Variants in MTUS2 observed in about 807,000 individuals in gnomAD.
MTUS2 encodes microtubule associated scaffold protein 2.
In MTUS2, 40 loss-of-function variants were observed where a neutral mutation model predicts 114.1. That is an observed-to-expected ratio of 0.35 (90% CI 0.27 to 0.46). The LOEUF (loss-of-function observed/expected upper bound fraction) is 0.46, where lower values mean the gene tolerates loss of function less well. Ranked by LOEUF, MTUS2 falls within the 20% of genes least tolerant of loss-of-function variation. The pLI is 1.00. For synonymous variants in MTUS2, 688 were observed against 672.0 expected (o/e 1.02, Z -0.37); for missense variants, 1,679 against 1,705.4 (o/e 0.98, Z 0.27).
At chr13:28,845,354 A>G (rs1450801879) in intron 2 of MTUS2, among the ~76,000 whole-genome samples, 1 of 152,240 alleles carries the variant, frequency 6.6e-6, no homozygotes, top group Non-Finnish European at 1.5e-5. Flanking sequence ...TTTTCCTGAC[A>G]CTTTGACCAA....
intron 6 of MTUS2, among the ~76,000 whole-genome samples, chr13:29,305,101 G>A (rs1414355246): frequency 2.0e-5 from 3 of 152,192 alleles, no homozygotes; most frequent in East Asian, 1.9e-4. Flanking sequence ...GAACAAAGAG[G>A]CAATGTACCA....
intron 11 of MTUS2, 135 bp from the exon 12 acceptor site, chr13:29,492,511 T>G: frequency 3.2e-6 from 2 of 618,726 alleles, no homozygotes; most frequent in Non-Finnish European, 5.7e-6. Flanking sequence ...AGTGGAGGAG[T>G]CCCCTTAGGC....
chr13:28,937,176 T>A (rs1881946662), intron 2 of MTUS2, among the ~76,000 whole-genome samples: 1 of 152,106 alleles, frequency 6.6e-6, no homozygotes, highest in Admixed American at 6.5e-5. Flanking sequence ...ACAAGAGAAT[T>A]GTAAAATGCA....
rs542886959 is a variant in MTUS2, at chr13:29,227,132, G to T, written c.2645-54572G>T. Among the ~76,000 whole-genome samples the T allele has an allele frequency of 3.3e-4, 50 of 152,010 alleles. 1 individual carries two copies. In the South Asian group the frequency reaches 0.01, roughly 32 times the overall value. ...AAATTAGCTGGGTGTGGTAGTGTGT[G>T]CCTGTAATACGAGCTACTCGGGAGG... On this transcript the variant is annotated intron_variant, in intron 5 of 15. Coordinates refer to ENST00000612955, the MANE Select transcript of MTUS2 (RefSeq NM_001033602.4).
intron 2 of MTUS2, among the ~76,000 whole-genome samples, chr13:28,964,335 ACTGTTCCTTCTAC>A (rs1566256228): frequency 6.6e-6 from 1 of 152,168 alleles, no homozygotes; most frequent in African/African-American, 2.4e-5. Flanking sequence ...AGTCCAAGCC[ACTGTTCCTTCTAC>A]CTGTTCCTCT....
At chr13:28,850,938 T>G (rs1422943795) in intron 2 of MTUS2, among the ~76,000 whole-genome samples, 1 of 152,236 alleles carries the variant, frequency 6.6e-6, no homozygotes, top group East Asian at 1.9e-4. Context: ...TATTTTTAGA[T>G]GAAAATTTCC....
intron 9 of MTUS2, among the ~76,000 whole-genome samples, chr13:29,448,560 G>A (rs1878449669): frequency 6.6e-6 from 1 of 151,222 alleles, no homozygotes; most frequent in South Asian, 2.1e-4. Flanking sequence ...AGTACTGCTG[G>A]ACAAAGCTGC....
intron 6 of MTUS2, among the ~76,000 whole-genome samples, chr13:29,322,036 T>A (rs1279935889): frequency 6.6e-6 from 1 of 152,200 alleles, no homozygotes; most frequent in Non-Finnish European, 1.5e-5. Flanking sequence ...TGTTATAATT[T>A]ATGTTTTTGC....
intron 8 of MTUS2, among the ~76,000 whole-genome samples, chr13:29,360,583 A>G (rs762291894): frequency 6.6e-6 from 1 of 151,802 alleles, no homozygotes; most frequent in Non-Finnish European, 1.5e-5. Flanking sequence ...CCCAACCAGA[A>G]TTTTAACCCC....
intron 2 of MTUS2, among the ~76,000 whole-genome samples, chr13:29,006,713 A>G (rs960890494): frequency 2.0e-5 from 3 of 152,174 alleles, no homozygotes; most frequent in South Asian, 2.1e-4. Flanking sequence ...TCTTTATGAC[A>G]GGAGGGCTGT....
At chr13:29,283,094 G>C (rs1187030662) in intron 6 of MTUS2, among the ~76,000 whole-genome samples, 1 of 152,178 alleles carries the variant, frequency 6.6e-6, no homozygotes, top group African/African-American at 2.4e-5. Flanking sequence ...GCCTTTCAGA[G>C]AGGCTCCACC....
chr13:29,451,670 C>G (rs911988615), intron 9 of MTUS2, among the ~76,000 whole-genome samples: 2 of 151,928 alleles, frequency 1.3e-5, no homozygotes, highest in South Asian at 4.2e-4. Context: ...CTGCAACCTC[C>G]GCCTCCTGGA....
intron 2 of MTUS2, among the ~76,000 whole-genome samples, chr13:28,876,100 T>G: frequency 6.6e-6 from 1 of 152,232 alleles, no homozygotes; most frequent in East Asian, 1.9e-4. Context: ...TCTGCCTTTC[T>G]TCTTTTCCTC....
intron 2 of MTUS2, among the ~76,000 whole-genome samples, chr13:28,869,300 A>C (rs1397802641): frequency 6.6e-6 from 1 of 152,214 alleles, no homozygotes; most frequent in East Asian, 1.9e-4. Context: ...TCATTGTTCA[A>C]ATGACTTCAC....
chr13:28,888,512 C>T (rs75137650), intron 2 of MTUS2, among the ~76,000 whole-genome samples: 28 of 150,534 alleles, frequency 1.9e-4, no homozygotes, highest in African/African-American at 6.1e-4. Flanking sequence ...AACTTTGCCT[C>T]CTGGGTTCAA....
chr13:28,837,477 CTGTT>C (rs1382168624), intron 1 of MTUS2, among the ~76,000 whole-genome samples: 1 of 152,126 alleles, frequency 6.6e-6, no homozygotes, highest in Non-Finnish European at 1.5e-5. Context: ...TAGGGCTACT[CTGTT>C]TGAGGTTGAC....
intron 2 of MTUS2, among the ~76,000 whole-genome samples, chr13:28,934,959 G>T (rs919539518): frequency 3.6e-5 from 5 of 140,832 alleles, no homozygotes; most frequent in African/African-American, 1.4e-4. Flanking sequence ...TGGTACCCCT[G>T]CCAGCCCTTT....
Position 29,504,044 on chromosome 13 carries a change from A to G in MTUS2, c.*838A>G, listed in dbSNP as rs1489076773. ...AACACAAGTTTTGCTTTTTTCCTAA[A>G]TGGCATCTCAGACTCGGTCATTAAG... On this transcript the variant is annotated 3_prime_UTR_variant, in exon 16 of 16. Coordinates refer to ENST00000612955, the MANE Select transcript of MTUS2 (RefSeq NM_001033602.4). The G allele has an allele frequency of 4.3e-6, 1 of 231,912 alleles. No homozygotes were observed. Among genetic ancestry groups the G allele is most frequent in the African/African-American group, 2.2e-5 (1 of 45,372 alleles). The allele number at this position is 231,912 out of a possible 1,614,324, so 14.4% of individuals were successfully genotyped here.
intron 2 of MTUS2, among the ~76,000 whole-genome samples, chr13:28,860,194 A>G (rs1470139803): frequency 2.0e-5 from 3 of 152,202 alleles, no homozygotes; most frequent in African/African-American, 7.2e-5. Flanking sequence ...TTAAACAAAT[A>G]CTGTTGTTTC....
Sources: gnomAD v4.1 joint callset for allele counts (sites outside exome capture counted in the v4.1 genomes callset) on GRCh38, gnomAD v4.1.1 for gene constraint, MANE v1.5 for transcripts, NCBI Gene and HGNC (gene_info 2026-07-23, HGNC 2026-07-21) for gene names.